Variants in RARB observed in about 807,000 individuals in gnomAD.
The protein encoded by RARB is retinoic acid receptor beta.
In RARB, 17 loss-of-function variants were observed where a neutral mutation model predicts 51.9. That is an observed-to-expected ratio of 0.33 (90% CI 0.22 to 0.49). RARB has a LOEUF of 0.49. Ranked by LOEUF, RARB falls within the 20% of genes least tolerant of loss-of-function variation. The probability of loss-of-function intolerance (pLI) is 0.99; values close to 1 mark genes in which losing one functional copy is unlikely to be tolerated. For missense variants in RARB, 369 were observed against 550.8 expected (o/e 0.67, Z 3.30); for synonymous variants, 215 against 195.4 (o/e 1.10, Z -0.84).
At chr3:24,855,909 G>A (rs890699870) in intron 1 of RARB, among the ~76,000 whole-genome samples, 1 of 151,716 alleles carries the variant, frequency 6.6e-6, no homozygotes, top group African/African-American at 2.4e-5. Context: ...CCACCACCAC[G>A]CCCAGCTAAT....
intron 2 of RARB, among the ~76,000 whole-genome samples, chr3:24,954,073 T>C (rs917244013): frequency 6.6e-6 from 1 of 152,226 alleles, no homozygotes; most frequent in Non-Finnish European, 1.5e-5. Flanking sequence ...CCTATTCTTT[T>C]TCCCATATGT....
At chr3:24,932,656 T>C (rs1178199388) in intron 2 of RARB, among the ~76,000 whole-genome samples, 6 of 152,118 alleles carry the variant, frequency 3.9e-5, no homozygotes, top group Non-Finnish European at 8.8e-5. Context: ...TATTTTTAGA[T>C]TTAGAAAAAA....
In RARB at chr3:24,924,741, G is replaced by A. The variant is rs536110590; in HGVS notation, c.-380+65989G>A. ...TATTTTGGGAGGAGTATATAGCATT[G>A]TACTTTCCAGGGCATGATCTGCAGG... On this transcript the variant is annotated intron_variant, in intron 2 of 11. Coordinates refer to the RARB transcript ENST00000383772. Among the ~76,000 whole-genome samples the A allele has an allele frequency of 3.9e-5, 6 of 152,186 alleles. No homozygotes were observed. In the East Asian group the frequency reaches 9.7e-4, roughly 25 times the overall value.
chr3:25,180,863 C>A (rs750244813), intron 5 of RARB, among the ~76,000 whole-genome samples: 2 of 152,108 alleles, frequency 1.3e-5, no homozygotes, highest in Non-Finnish European at 2.9e-5. Context: ...CCAGACCAAC[C>A]AATGGTCAGG....
chr3:25,223,743 G>T (rs1701996601), intron 5 of RARB, among the ~76,000 whole-genome samples: 1 of 152,156 alleles, frequency 6.6e-6, no homozygotes, highest in Non-Finnish European at 1.5e-5. Flanking sequence ...ACCAGTTATT[G>T]AGCACTTATA....
intron 5 of RARB, among the ~76,000 whole-genome samples, chr3:25,338,860 A>C (rs1705139077): frequency 6.6e-6 from 1 of 152,152 alleles, no homozygotes; most frequent in Admixed American, 6.6e-5. Flanking sequence ...GGGTCACCAC[A>C]CCAGACCTTC....
intron 3 of RARB, among the ~76,000 whole-genome samples, chr3:25,112,476 C>G (rs1485672451): frequency 6.6e-6 from 1 of 151,968 alleles, no homozygotes; most frequent in Non-Finnish European, 1.5e-5. Context: ...AACAATACTT[C>G]CTTATAAAAG....
chr3:25,542,673 T>C (rs1366516200), intron 3 of RARB, among the ~76,000 whole-genome samples: 1 of 152,240 alleles, frequency 6.6e-6, no homozygotes, highest in Admixed American at 6.5e-5. Context: ...TCTGAAAAAG[T>C]CATCATCCCT....
At chr3:25,105,622 C>T (rs926642715) in intron 3 of RARB, among the ~76,000 whole-genome samples, 10 of 152,098 alleles carry the variant, frequency 6.6e-5, no homozygotes, top group African/African-American at 2.2e-4. Flanking sequence ...ACCAAATTTG[C>T]ACTCTCTTGA....
At chr3:24,982,980 C>G (rs1205261818) in intron 2 of RARB, among the ~76,000 whole-genome samples, 1 of 152,212 alleles carries the variant, frequency 6.6e-6, no homozygotes, top group African/African-American at 2.4e-5. Context: ...ACTGTAACTC[C>G]TTTTCATATA....
At chr3:25,388,432 G>A (rs958314042) in intron 5 of RARB, among the ~76,000 whole-genome samples, 12 of 152,120 alleles carry the variant, frequency 7.9e-5, no homozygotes, top group Admixed American at 6.5e-5. Flanking sequence ...TAATATCAGA[G>A]CATTACAATA....
intron 2 of RARB, among the ~76,000 whole-genome samples, chr3:25,054,755 C>T (rs1698404538): frequency 6.6e-6 from 1 of 152,052 alleles, no homozygotes; most frequent in Non-Finnish European, 1.5e-5. Flanking sequence ...TTGCCAAAGG[C>T]CAGACAACCC....
chr3:25,484,170 A>C (rs1208134011), intron 2 of RARB, among the ~76,000 whole-genome samples: 1 of 152,188 alleles, frequency 6.6e-6, no homozygotes, highest in Non-Finnish European at 1.5e-5. Context: ...TCCTTAAAGG[A>C]GGGAAAGACA....
intron 5 of RARB, among the ~76,000 whole-genome samples, chr3:25,209,463 A>C (rs921775649): frequency 6.6e-6 from 1 of 152,224 alleles, no homozygotes; most frequent in East Asian, 1.9e-4. Context: ...CTTCATGTCC[A>C]TGAAGTCACA....
At chr3:25,004,557 C>A (rs1008124046) in intron 2 of RARB, among the ~76,000 whole-genome samples, 6 of 152,074 alleles carry the variant, frequency 3.9e-5, no homozygotes, top group Non-Finnish European at 7.4e-5. Context: ...GGGAGCAGAG[C>A]TCTCATGGCC....
At chr3:25,161,173 C>A (rs923879743) in intron 4 of RARB, among the ~76,000 whole-genome samples, 8 of 117,554 alleles carry the variant, frequency 6.8e-5, no homozygotes, top group Non-Finnish European at 1.4e-4. Flanking sequence ...CCACCATGCC[C>A]AGCTAATTAT....
intron 5 of RARB, among the ~76,000 whole-genome samples, chr3:25,319,269 C>T (rs74369789): frequency 6.6e-6 from 1 of 152,256 alleles, no homozygotes; most frequent in East Asian, 1.9e-4. Flanking sequence ...ACCCTCAGGT[C>T]CTCCCAGGAT....
chr3:25,351,341 C>A (rs761447878), intron 5 of RARB, among the ~76,000 whole-genome samples: 1 of 151,746 alleles, frequency 6.6e-6, no homozygotes, highest in African/African-American at 2.4e-5. Flanking sequence ...TTTGAAAATT[C>A]GGTATAATTT....
At chr3:25,060,748 G>T (rs1049797005) in intron 3 of RARB, among the ~76,000 whole-genome samples, 1 of 151,904 alleles carries the variant, frequency 6.6e-6, no homozygotes, top group Non-Finnish European at 1.5e-5. Flanking sequence ...GGAGTTTCCA[G>T]TGTTAGCCAT....
Sources: gnomAD v4.1 joint callset for allele counts (sites outside exome capture counted in the v4.1 genomes callset) on GRCh38, gnomAD v4.1.1 for gene constraint, MANE v1.5 for transcripts, NCBI Gene and HGNC (gene_info 2026-07-23, HGNC 2026-07-21) for gene names.